Variants in SMCHD1 observed in about 807,000 individuals in gnomAD.
SMCHD1 encodes structural maintenance of chromosomes flexible hinge domain-containing protein 1.
In SMCHD1, 78 loss-of-function variants were observed where a neutral mutation model predicts 254.7. That is an observed-to-expected ratio of 0.31 (90% CI 0.26 to 0.37). The LOEUF (loss-of-function observed/expected upper bound fraction) is 0.37. Among genes scored for constraint, SMCHD1 ranks in the 10% least tolerant of loss-of-function variants. The pLI is 1.00. For synonymous variants in SMCHD1, 766 were observed against 794.9 expected, an observed-to-expected ratio of 0.96 and a Z score of 0.61; for missense variants, 1,840 against 2,408.1, an observed-to-expected ratio of 0.76 and a Z score of 4.94.
In SMCHD1 at chr18:2,685,094, A is replaced by ATTTTTTTTTTTTTTTTTTTTTTTTTTT. The variant is rs372694951; in HGVS notation, c.639-3293_639-3292insTTTTTTTTTTTTTTTTTTTTTTTTTTT. Among the ~76,000 whole-genome samples the ATTTTTTTTTTTTTTTTTTTTTTTTTTT allele has an allele frequency of 1.7e-4, 14 of 81,880 alleles. 6 individuals are homozygous for ATTTTTTTTTTTTTTTTTTTTTTTTTTT. The highest frequency in any genetic ancestry group is 1.5e-4 in the African/African-American group (3 of 19,674). The allele number at this position is 81,880 out of a possible 152,430, so 53.7% of individuals were successfully genotyped here. A position where few individuals can be genotyped will look rare whatever the true frequency, so the allele number is the denominator to read the frequency against. On this transcript the variant is annotated intron_variant, in intron 5 of 47. Transcript: ENST00000320876. Reference sequence around the variant, plus strand: ...AGCACACTGTTCTGTTCTGTCCCTTATTTTTTTCTTTTTTTTTTTTTTTTG... The same window carrying ATTTTTTTTTTTTTTTTTTTTTTTTTTT: ...AGCACACTGTTCTGTTCTGTCCCTTATTTTTTTTTTTTTTTTTTTTTTTTTTTTTTTTTTCTTTTTTTTTTTTTTTTG...
chr18:2,764,118 T>A (rs2075829781), intron 37 of SMCHD1: 1 of 190,502 alleles, frequency 5.2e-6, no homozygotes, highest in Non-Finnish European at 1.1e-5. Context: ...TAAATTTTAA[T>A]TAAACAACTT....
chr18:2,708,397 C>G (rs2074570739), intron 17 of SMCHD1, among the ~76,000 whole-genome samples: 1 of 152,038 alleles, frequency 6.6e-6, no homozygotes, highest in Non-Finnish European at 1.5e-5. Context: ...GGCTTGGTGG[C>G]ACGAGCCTAT....
chr18:2,669,030 A>G lies in SMCHD1; in HGVS notation c.424+1999A>G, dbSNP rs376031486. On this transcript the variant is annotated intron_variant, in intron 3 of 47. Transcript: ENST00000320876. The stretch of plus-strand genomic sequence containing the variant: ...ACTAGGACTACAAGTGCATACCACC[A>G]TGCCCAGCTAATTAAAAAAAAAAAA... Among the ~76,000 whole-genome samples, 19 of 149,764 alleles carry G rather than the reference A, an allele frequency of 1.3e-4. No individual in the cohort carries two copies. In the East Asian group the frequency reaches 2.1e-3, roughly 17 times the overall value.
intron 29 of SMCHD1, among the ~76,000 whole-genome samples, chr18:2,746,733 A>G (rs560022014): frequency 1.3e-5 from 2 of 152,288 alleles, no homozygotes; most frequent in South Asian, 2.1e-4. Flanking sequence ...AGAGGTGATA[A>G]ATCAGTTTTT....
chr18:2,700,858 G>A lies in SMCHD1; in HGVS notation c.1587G>A (p.Met529Ile). ...FQVSTNKLTFMDLELKLKDKN... is the reference protein window; with the variant it reads ...FQVSTNKLTFIDLELKLKDKN... ...TCAGCACAAATAAATTGACGTTTAT[G>A]GATCTTGAGCTAAAATTGAAAGATA... Residue 529 changes from methionine (M) to isoleucine (I), a missense_variant, in exon 12 of 48, where the codon ATG becomes ATA. Physicochemically the swap from Met to Ile is conservative, Grantham distance 10 (BLOSUM62 1). Transcript: ENST00000320876. The A allele has an allele frequency of 6.2e-7, 1 of 1,612,498 alleles. No individual in the cohort carries two copies. Among genetic ancestry groups the A allele is most frequent in the Non-Finnish European group, 8.5e-7 (1 of 1,179,214 alleles).
chr18:2,695,016 C>T (rs1316924499), intron 8 of SMCHD1, among the ~76,000 whole-genome samples: 3 of 151,610 alleles, frequency 2.0e-5, no homozygotes, highest in Non-Finnish European at 4.4e-5. Context: ...GCTTCTTTTC[C>T]ATAGGACCTG....
At chr18:2,715,761 G>T (rs1455356870) in intron 17 of SMCHD1, among the ~76,000 whole-genome samples, 3 of 152,172 alleles carry the variant, frequency 2.0e-5, no homozygotes, top group Non-Finnish European at 4.4e-5. Flanking sequence ...GGAGGCTGAG[G>T]TGGGAGGATC....
At position 2,771,515 on chromosome 18, in the gene SMCHD1, T is replaced by A; in HGVS notation, c.4967-18T>A. ...GGGCTATCAGAAATTGATGCAAATT[T>A]TTGGTTTTTTATTTTAGGTCAAGTT... On this transcript the variant is annotated intron_variant, in intron 39 of 47. Coordinates refer to ENST00000320876, the MANE Select transcript of SMCHD1 (RefSeq NM_015295.3). 7 of 1,549,114 alleles carry A rather than the reference T, an allele frequency of 4.5e-6. No individual in the cohort carries two copies. The highest frequency in any genetic ancestry group is 6.0e-6 in the Non-Finnish European group (7 of 1,157,220).
In SMCHD1 at chr18:2,796,110, A is replaced by C; in HGVS notation, c.5878+3A>C. On this transcript the variant is annotated splice_donor_region_variant and intron_variant, in intron 46 of 47. Coordinates refer to ENST00000320876, the MANE Select transcript of SMCHD1 (RefSeq NM_015295.3). Reference sequence around the variant, plus strand: ...CAAACTAATAGAGGAAAAACTAGGTAAGTCTTTGCTTTTTGTTAACTTCTA... The same window carrying C: ...CAAACTAATAGAGGAAAAACTAGGTCAGTCTTTGCTTTTTGTTAACTTCTA... The C allele has an allele frequency of 6.5e-7, 1 of 1,534,492 alleles. No homozygotes were observed. The highest frequency in any genetic ancestry group is 8.7e-7 in the Non-Finnish European group (1 of 1,144,106).
At chr18:2,742,858 G>T (rs919865143) in intron 28 of SMCHD1, among the ~76,000 whole-genome samples, 1 of 151,898 alleles carries the variant, frequency 6.6e-6, no homozygotes, top group Non-Finnish European at 1.5e-5. Context: ...AAAATTTTTT[G>T]TAGAGACGGG....
At chr18:2,732,528 C>A in intron 25 of SMCHD1, 36 bp downstream of exon 25, 2 of 1,369,066 alleles carry the variant, frequency 1.5e-6, no homozygotes, top group Admixed American at 4.4e-5. Flanking sequence ...TTTGTAAGAA[C>A]TTTTTAAATT....
At chr18:2,749,715 A>AAT (rs1243566374) in intron 30 of SMCHD1, among the ~76,000 whole-genome samples, 1 of 152,208 alleles carries the variant, frequency 6.6e-6, no homozygotes, top group Admixed American at 6.5e-5. Context: ...CCAGCTTTAG[A>AAT]ATATACCTTC....
chr18:2,770,935 A>G (rs374578518), intron 39 of SMCHD1, among the ~76,000 whole-genome samples: 3 of 152,124 alleles, frequency 2.0e-5, no homozygotes, highest in Admixed American at 6.6e-5. Context: ...GTTTGCTGCA[A>G]TTCTTAATAA....
At chr18:2,708,911 AT>A (rs2074596746) in intron 17 of SMCHD1, among the ~76,000 whole-genome samples, 1 of 31,152 alleles carries the variant, frequency 3.2e-5, no homozygotes, top group Non-Finnish European at 5.6e-5. Flanking sequence ...TATATATAAC[AT>A]ATTAACATGA....
intron 3 of SMCHD1, among the ~76,000 whole-genome samples, chr18:2,672,163 T>C (rs1598292083): frequency 1.3e-5 from 2 of 152,210 alleles, no homozygotes; most frequent in African/African-American, 4.8e-5. Context: ...AATTCGTTTA[T>C]AAACATAGCT....
chr18:2,673,399 C>T, intron 4 of SMCHD1, 36 bp downstream of exon 4: 2 of 1,363,700 alleles, frequency 1.5e-6, no homozygotes, highest in South Asian at 1.7e-5. Flanking sequence ...TTTAACTTTT[C>T]CTTTTGTAAG....
chr18:2,721,099 A>G lies in SMCHD1; in HGVS notation c.2459-1420A>G, dbSNP rs185889751. ...CAGCCAACCTTCTTGTTTTATTTCA[A>G]TTTCACTACAACTTTATACAGCCAT... is the stretch of plus-strand genomic sequence containing the variant. On this transcript the variant is annotated intron_variant, in intron 19 of 47. Coordinates refer to ENST00000320876, the MANE Select transcript of SMCHD1 (RefSeq NM_015295.3). Among the ~76,000 whole-genome samples, 858 of 152,236 alleles carry G rather than the reference A, an allele frequency of 5.6e-3. 4 individuals carry two copies. The highest frequency in any genetic ancestry group is 8.3e-3 in the South Asian group (40 of 4,822).
rs1221276340 is a variant in SMCHD1, at chr18:2,751,308, A to G, written c.4196A>G (p.Asp1399Gly). 5 of 1,576,254 alleles carry G rather than the reference A, an allele frequency of 3.2e-6. No individual in the cohort carries two copies. In the East Asian group the frequency reaches 1.2e-4, roughly 37 times the overall value. The change falls in exon 33 of 48, where the codon GAC becomes GGC. Residue 1399 changes from aspartate to glycine, a missense_variant. Asp to Gly is a moderately conservative substitution (Grantham distance 94, BLOSUM62 -1). This residue lies in a region of SMCHD1 where 881 missense variants were observed against 1,009.5 expected (regional missense o/e 0.87). Coordinates refer to ENST00000320876, the MANE Select transcript of SMCHD1 (RefSeq NM_015295.3). ...DFMISVISED[D>G]SIIKNINPAR... ...ATGATTAGTGTTATTTCTGAAGATG[A>G]CAGTATCATTAAAAACATTAATCCA...
Position 2,728,492 on chromosome 18 carries a change from G to A in SMCHD1, c.2809G>A (p.Glu937Lys). The change falls in exon 23 of 48, where the codon GAA becomes AAA. Residue 937 changes from glutamate to lysine, a missense_variant. This residue lies in a region of SMCHD1 where 881 missense variants were observed against 1,009.5 expected (regional missense o/e 0.87). Coordinates refer to ENST00000320876, the MANE Select transcript of SMCHD1 (RefSeq NM_015295.3). Reference protein sequence around the residue: ...PRRLKVKPDSEILVIENGTAF... With the variant: ...PRRLKVKPDSKILVIENGTAF... ...TCGACTGAAAGTGAAACCTGATTCT[G>A]AAATTTTAGTTATAGAAAATGGAAC... 6.2e-7 allele frequency: 1 copy of A among 1,613,114 alleles called. No homozygotes were observed. The highest frequency in any genetic ancestry group is 1.1e-5 in the South Asian group (1 of 90,998).
Sources: gnomAD v4.1 joint callset for allele counts (sites outside exome capture counted in the v4.1 genomes callset) on GRCh38, gnomAD v4.1.1 for gene constraint, gnomAD v4.1.1 regional missense constraint, MANE v1.5 for transcripts, NCBI Gene and HGNC (gene_info 2026-07-23, HGNC 2026-07-21) for gene names.